Variants in IGFL4 observed in about 807,000 individuals in gnomAD.
IGFL4 encodes IGF like family member 4, also known as insulin growth factor-like family member 4.
Under a neutral mutation model 15.4 loss-of-function variants are expected in IGFL4, and 12 were observed. The observed-to-expected ratio is 0.78, with a 90% CI of 0.50 to 1.26. The LOEUF (loss-of-function observed/expected upper bound fraction) is 1.26. Among genes scored for constraint, IGFL4 ranks in the 50% most tolerant of loss-of-function variants. The probability of loss-of-function intolerance (pLI) is 0.00; values close to 1 mark genes in which losing one functional copy is unlikely to be tolerated. For missense variants in IGFL4, 126 were observed against 147.8 expected, an observed-to-expected ratio of 0.85 and a Z score of 0.76; for synonymous variants, 54 against 55.9, an observed-to-expected ratio of 0.97 and a Z score of 0.16.
chr19:46,057,241 A>T (rs1969401465), intron 2 of IGFL4, among the ~76,000 whole-genome samples: 2 of 151,938 alleles, frequency 1.3e-5, no homozygotes, highest in Non-Finnish European at 2.9e-5. Context: ...TGGGGCAGGG[A>T]GGTAGTGGAC....
chr19:46,047,947 C>G (rs1969311862), intron 2 of IGFL4, among the ~76,000 whole-genome samples: 1 of 152,138 alleles, frequency 6.6e-6, no homozygotes, highest in Non-Finnish European at 1.5e-5. Context: ...ATACCAAAAC[C>G]TGGCAGAGAT....
At chr19:46,068,367 A>C (rs1033389700) in intron 1 of IGFL4, among the ~76,000 whole-genome samples, 1 of 152,228 alleles carries the variant, frequency 6.6e-6, no homozygotes, top group Non-Finnish European at 1.5e-5. Context: ...TGAGTGTCGA[A>C]TCTCATCATG....
Position 46,040,122 on chromosome 19 carries a change from C to T in IGFL4, c.330+35G>A, listed in dbSNP as rs75978592. ...CAACCAAGCTCCATTCCCTACTCCC[C>T]CCTCCCACAGCCTGGACTGGAGTCA... On this transcript the variant is annotated intron_variant, in intron 3 of 3. Transcript: ENST00000377697. The surrounding 1 kb of genome is among the most constrained non-coding windows in gnomAD (Gnocchi z 4.1). 1 of 1,610,112 alleles carries T rather than the reference C, an allele frequency of 6.2e-7. No homozygotes were observed. Among genetic ancestry groups the T allele is most frequent in the Non-Finnish European group, 8.5e-7 (1 of 1,177,886 alleles).
intron 1 of IGFL4, chr19:46,060,339 G>A (rs1295166332): frequency 3.3e-5 from 5 of 152,132 alleles, no homozygotes; most frequent in South Asian, 2.1e-4. Flanking sequence ...GCAAAAAGCC[G>A]AAAAAGATCA....
At chr19:46,068,710 G>A (rs779876508) in intron 1 of IGFL4, among the ~76,000 whole-genome samples, 3 of 152,182 alleles carry the variant, frequency 2.0e-5, no homozygotes, top group Admixed American at 1.3e-4. Flanking sequence ...AGGAACCGCC[G>A]GGAAAGACTT....
intron 1 of IGFL4, among the ~76,000 whole-genome samples, chr19:46,076,082 A>T (rs369388050): frequency 6.6e-6 from 1 of 152,220 alleles, no homozygotes; most frequent in East Asian, 1.9e-4. Flanking sequence ...TGCTTCAAAG[A>T]TGACATCTTT....
At chr19:46,057,878 C>T (rs898187054) in intron 2 of IGFL4, 4 of 152,106 alleles carry the variant, frequency 2.6e-5, no homozygotes, top group African/African-American at 9.7e-5. Flanking sequence ...ATGGGAAAGA[C>T]CCGTCCCCAT....
upstream of IGFL4, among the ~76,000 whole-genome samples, chr19:46,045,080 G>C (rs1969285070): frequency 6.6e-6 from 1 of 152,174 alleles, no homozygotes; most frequent in African/African-American, 2.4e-5. Context: ...AATGACCACA[G>C]TACCTCTCCA....
At chr19:46,041,013 G>A (rs1357375630), upstream of IGFL4, 3 of 1,532,496 alleles carry the variant, frequency 2.0e-6, no homozygotes, top group African/African-American at 4.2e-5. Flanking sequence ...AAATGGGTCA[G>A]TGACTTTACA....
At chr19:46,050,596 A>C (rs1969336270) in intron 2 of IGFL4, among the ~76,000 whole-genome samples, 1 of 152,218 alleles carries the variant, frequency 6.6e-6, no homozygotes, top group Admixed American at 6.5e-5. Context: ...AGGCTTTCAA[A>C]CTAACCCAAT....
chr19:46,071,724 C>T (rs183500318), intron 1 of IGFL4, among the ~76,000 whole-genome samples: 1 of 152,146 alleles, frequency 6.6e-6, no homozygotes, highest in South Asian at 2.1e-4. Context: ...AAATAGCCTT[C>T]AAAAATGGTA....
chr19:46,053,671 G>C (rs1969368609), intron 2 of IGFL4, among the ~76,000 whole-genome samples: 2 of 152,094 alleles, frequency 1.3e-5, no homozygotes, highest in African/African-American at 4.8e-5. Flanking sequence ...TATAGTGGTT[G>C]TTTTTATAGT....
At chr19:46,074,501 A>G (rs1969576991) in intron 1 of IGFL4, among the ~76,000 whole-genome samples, 1 of 152,082 alleles carries the variant, frequency 6.6e-6, no homozygotes, top group African/African-American at 2.4e-5. Flanking sequence ...AGGTCCCACA[A>G]TAGGCTGTTT....
At chr19:46,048,990 A>G (rs2080621) in intron 2 of IGFL4, among the ~76,000 whole-genome samples, 130,754 of 152,274 alleles carry the variant, frequency 0.86, 56,502 homozygotes, top group African/African-American at 0.92. Flanking sequence ...GAACAAAGCC[A>G]GAGGCATCAC....
intron 1 of IGFL4, among the ~76,000 whole-genome samples, chr19:46,068,580 T>C (rs1969516651): frequency 6.6e-6 from 1 of 152,214 alleles, no homozygotes; most frequent in African/African-American, 2.4e-5. Flanking sequence ...AAAGCCCTTG[T>C]TTGTTGAAGG....
intron 2 of IGFL4, chr19:46,058,288 G>T (rs1481932738): frequency 6.6e-6 from 1 of 152,010 alleles, no homozygotes. Context: ...AATCCAGCAG[G>T]GCAGCCAAAT....
intron 2 of IGFL4, among the ~76,000 whole-genome samples, chr19:46,056,552 C>T (rs1969394463): frequency 6.6e-6 from 1 of 152,210 alleles, no homozygotes; most frequent in Non-Finnish European, 1.5e-5. Flanking sequence ...CTGTGACATT[C>T]TGGAGATGCC....
In IGFL4 at chr19:46,040,907, TA is replaced by T; in HGVS notation, c.19+36del. 6.4e-7 allele frequency: 1 copy of T among 1,561,442 alleles called. No homozygotes were observed. Among genetic ancestry groups the T allele is most frequent in the Non-Finnish European group, 8.7e-7 (1 of 1,145,514 alleles). On this transcript the variant is annotated intron_variant, in intron 1 of 3. Coordinates refer to ENST00000377697, the MANE Select transcript of IGFL4 (RefSeq NM_001002923.3). The surrounding 1 kb of genome is among the most constrained non-coding windows in gnomAD (Gnocchi z 4.1). Reference sequence around the variant, plus strand: ...GAAATAATTAGGGATGTGATATCATTAGGGATTAGCTTAGCCTAGGGCTGGG... The same window carrying T: ...GAAATAATTAGGGATGTGATATCATTGGGATTAGCTTAGCCTAGGGCTGGG...
intron 1 of IGFL4, among the ~76,000 whole-genome samples, chr19:46,067,854 C>T (rs533095009): frequency 1.3e-5 from 2 of 152,312 alleles, no homozygotes; most frequent in Admixed American, 1.3e-4. Flanking sequence ...AGAACTGCTC[C>T]ATGGATAAGC....
Sources: gnomAD v4.1 joint callset for allele counts (sites outside exome capture counted in the v4.1 genomes callset) on GRCh38, gnomAD v4.1.1 for gene constraint, Gnocchi (gnomAD v3.1) non-coding constraint, MANE v1.5 for transcripts, NCBI Gene and HGNC (gene_info 2026-07-23, HGNC 2026-07-21) for gene names.